Variants in CYFIP2 observed in about 807,000 individuals in gnomAD.
The protein encoded by CYFIP2 is cytoplasmic FMR1-interacting protein 2.
A neutral mutation model predicts 158.7 loss-of-function variants in CYFIP2; 29 were observed. That is an observed-to-expected ratio of 0.18 (90% CI 0.14 to 0.25). The LOEUF is 0.25. Among genes scored for constraint, CYFIP2 ranks in the 10% least tolerant of loss-of-function variants. The pLI is 1.00. For missense variants in CYFIP2, 852 were observed against 1,639.5 expected, an observed-to-expected ratio of 0.52 and a Z score of 8.29; for synonymous variants, 585 against 617.6, an observed-to-expected ratio of 0.95 and a Z score of 0.78.
rs779088823 is a variant in CYFIP2 at position 157,304,319 on chromosome 5, G to A, written c.748G>A (p.Glu250Lys). 1.9e-6 allele frequency: 3 copies of A among 1,613,970 alleles called. No individual in the cohort carries two copies. Among genetic ancestry groups the A allele is most frequent in the Non-Finnish European group, 2.5e-6 (3 of 1,179,890 alleles). The change falls in exon 8 of 31, where the codon GAG becomes AAG. Residue 250 changes from glutamate to lysine, a missense_variant. Physicochemically the swap from Glu to Lys is moderately conservative, Grantham distance 56. Around this residue, in one of 8 missense-constraint regions of CYFIP2, gnomAD observed 133 missense variants for 197.1 expected, o/e 0.67. Coordinates refer to ENST00000620254, the MANE Select transcript of CYFIP2 (RefSeq NM_001037333.3). ...DIVNICVDYY[E>K]NKMYLTPSEK... ...TGTCAACATCTGTGTGGATTACTAC[G>A]AGAACAAGATGTACCTGACTCCCAG...
intron 21 of CYFIP2, among the ~76,000 whole-genome samples, chr5:157,336,190 A>C (rs2113210672): frequency 1.3e-5 from 2 of 152,238 alleles, no homozygotes; most frequent in South Asian, 4.1e-4. Context: ...ATGGGGAGGC[A>C]ACTTGATTCT....
intron 21 of CYFIP2, among the ~76,000 whole-genome samples, chr5:157,335,063 A>G (rs10077387): frequency 0.46 from 70,595 of 152,044 alleles, 18,230 homozygotes; most frequent in African/African-American, 0.71. Context: ...TGGACAAAGT[A>G]TAAAAATAAA....
intron 28 of CYFIP2, chr5:157,384,745 G>A (rs955059485): frequency 9.4e-6 from 3 of 320,014 alleles, no homozygotes; most frequent in African/African-American, 6.5e-5. Flanking sequence ...GTCGAGACCA[G>A]CCTGGCCAAC....
Position 157,325,628 on chromosome 5 carries a change from T to G in CYFIP2, c.1972T>G (p.Ser658Ala). 6.2e-7 allele frequency: 1 copy of G among 1,607,730 alleles called. No homozygotes were observed. The stretch of plus-strand genomic sequence containing the variant: ...CCATATCCTGGAAACCAAAGAACCT[T>G]CCATGATGGAGTAAGAGGCAGGATT... ...TDHILETKEP[S>A]MMEYVLYPLD... Residue 658 changes from serine (S) to alanine (A), a missense_variant, in exon 17 of 31, where the codon TCC (serine) becomes GCC (alanine). Around this residue, in one of 8 missense-constraint regions of CYFIP2, gnomAD observed 167 missense variants for 343.3 expected, o/e 0.49. Transcript: ENST00000620254.
chr5:157,372,269 T>A (rs1033793924), intron 26 of CYFIP2, among the ~76,000 whole-genome samples: 4 of 152,206 alleles, frequency 2.6e-5, no homozygotes, highest in Admixed American at 2.6e-4. Flanking sequence ...CAGGAGGATG[T>A]CCTTGTTTTT....
chr5:157,298,814 A>G (rs1758466309), intron 5 of CYFIP2, among the ~76,000 whole-genome samples: 2 of 152,198 alleles, frequency 1.3e-5, no homozygotes, highest in South Asian at 2.1e-4. Flanking sequence ...ACTGAATCAT[A>G]TAACGTGGTC....
At chr5:157,341,260 C>A in intron 23 of CYFIP2, 103 bp downstream of exon 23, 2 of 1,127,012 alleles carry the variant, frequency 1.8e-6, no homozygotes, top group Admixed American at 1.9e-5. Flanking sequence ...GAGATAAAGG[C>A]AGCAATGAGG....
chr5:157,343,590 T>G, intron 23 of CYFIP2: 1 of 1,415,478 alleles, frequency 7.1e-7, no homozygotes, highest in Non-Finnish European at 9.6e-7. Context: ...GATTTAAGTA[T>G]GTATTTATCA....
At chr5:157,326,048 G>T in intron 17 of CYFIP2, 123 bp from the exon 18 acceptor site, 2 of 767,296 alleles carry the variant, frequency 2.6e-6, no homozygotes, top group Non-Finnish European at 4.5e-6. Context: ...AGGAACGTAA[G>T]AGAGGGATGA....
chr5:157,307,141 A>T (rs1759299454), intron 8 of CYFIP2, among the ~76,000 whole-genome samples: 1 of 152,062 alleles, frequency 6.6e-6, no homozygotes, highest in Non-Finnish European at 1.5e-5. Context: ...TCAGGAAGAG[A>T]TTTTTTTTAA....
At chr5:157,324,375 A>T (rs1760844674) in intron 16 of CYFIP2, among the ~76,000 whole-genome samples, 1 of 152,208 alleles carries the variant, frequency 6.6e-6, no homozygotes, top group African/African-American at 2.4e-5. Flanking sequence ...AGACACACGG[A>T]TGCTAGACTT....
intron 21 of CYFIP2, among the ~76,000 whole-genome samples, chr5:157,338,848 C>T (rs1300044397): frequency 6.6e-6 from 1 of 152,204 alleles, no homozygotes; most frequent in Non-Finnish European, 1.5e-5. Flanking sequence ...TTCTGGGCCT[C>T]CATTTCTGTC....
intron 23 of CYFIP2, among the ~76,000 whole-genome samples, chr5:157,346,161 A>G (rs571307788): frequency 6.6e-6 from 1 of 152,198 alleles, no homozygotes; most frequent in East Asian, 1.9e-4. Flanking sequence ...CAGTTCCACC[A>G]TCATCTGTAA....
intron 28 of CYFIP2, among the ~76,000 whole-genome samples, chr5:157,386,993 T>C (rs1013215833): frequency 2.6e-5 from 4 of 151,074 alleles, no homozygotes; most frequent in African/African-American, 9.7e-5. Context: ...TTGTAAACAA[T>C]TTAAGATAAC....
chr5:157,319,262 G>A (rs1760398554), intron 13 of CYFIP2, among the ~76,000 whole-genome samples: 1 of 152,166 alleles, frequency 6.6e-6, no homozygotes, highest in Admixed American at 6.5e-5. Context: ...GAGAAGTTTT[G>A]ATTTTATAAA....
At chr5:157,309,919 C>A in intron 10 of CYFIP2, 85 bp downstream of exon 10, 1 of 1,269,100 alleles carries the variant, frequency 7.9e-7, no homozygotes, top group Non-Finnish European at 1.1e-6. Context: ...AGCCCCTCCT[C>A]CCTCCCCAGA....
At chr5:157,392,016 A>G (rs1767344873) in intron 30 of CYFIP2, among the ~76,000 whole-genome samples, 2 of 152,144 alleles carry the variant, frequency 1.3e-5, no homozygotes, top group Admixed American at 1.3e-4. Flanking sequence ...AATGACTGTC[A>G]CTGCTGAGTG....
intron 5 of CYFIP2, among the ~76,000 whole-genome samples, chr5:157,298,677 C>T (rs910133213): frequency 1.3e-5 from 2 of 152,022 alleles, no homozygotes; most frequent in African/African-American, 4.8e-5. Context: ...TTCATTACCC[C>T]AAAAAGAAAC....
intron 29 of CYFIP2, among the ~76,000 whole-genome samples, chr5:157,390,231 G>A (rs1042850899): frequency 6.6e-6 from 1 of 152,024 alleles, no homozygotes; most frequent in Non-Finnish European, 1.5e-5. Context: ...CAACAGCTGG[G>A]TGGGTTTTTC....
Sources: allele counts gnomAD v4.1 joint callset (sites outside exome capture counted in the v4.1 genomes callset), GRCh38; gene constraint gnomAD v4.1.1; regional missense constraint gnomAD v4.1.1; transcripts MANE v1.5; gene names NCBI Gene and HGNC (gene_info 2026-07-23, HGNC 2026-07-21).